The following AFF3 variants were observed in gnomAD, a reference collection of about 807,000 sequenced individuals.
The protein encoded by AFF3 is AF4/FMR2 family member 3.
A neutral mutation model predicts 129.7 loss-of-function variants in AFF3; 32 were observed. The ratio of observed to expected loss-of-function variants is 0.25; its 90% confidence interval spans 0.19 to 0.33. AFF3 has a LOEUF of 0.33. Among genes scored for constraint, AFF3 ranks in the 10% least tolerant of loss-of-function variants. The pLI, the probability that AFF3 is intolerant of heterozygous loss-of-function variation, is 1.00. For missense variants in AFF3, 1,373 were observed against 1,592.0 expected, an observed-to-expected ratio of 0.86 and a Z score of 2.34; for synonymous variants, 644 against 635.4, an observed-to-expected ratio of 1.01 and a Z score of -0.20.
rs369001247 is a variant in AFF3, at chr2:99,980,834, T to C, written c.873+25798A>G. Among the ~76,000 whole-genome samples, 84 of 152,302 alleles carry C rather than the reference T, an allele frequency of 5.5e-4. No homozygotes were observed. In the South Asian group the frequency reaches 0.016, roughly 29 times the overall value. ...AGTAATTCAGGTTCACTGTAACAAT[T>C]GGAAAAGAGCAAAAAGAAATGAATA... is the stretch of plus-strand genomic sequence containing the variant. On this transcript the variant is annotated intron_variant, in intron 7 of 24. Transcript: ENST00000672756.
intron 11 of AFF3, among the ~76,000 whole-genome samples, chr2:99,685,037 C>T (rs1320003220): frequency 2.0e-5 from 3 of 151,232 alleles, no homozygotes; most frequent in East Asian, 3.9e-4. Flanking sequence ...CTCCCATGTT[C>T]AAGTGACTCT....
chr2:100,138,161 C>T (rs1011869450), intron 1 of AFF3, among the ~76,000 whole-genome samples: 13 of 152,172 alleles, frequency 8.5e-5, no homozygotes, highest in African/African-American at 2.7e-4. Context: ...CTGTTACCAC[C>T]GCAGTCTTCC....
chr2:99,636,078 C>T (rs1683625587), intron 13 of AFF3, among the ~76,000 whole-genome samples: 1 of 152,322 alleles, frequency 6.6e-6, no homozygotes, highest in Non-Finnish European at 1.5e-5. Flanking sequence ...AGAACCTGGA[C>T]CTCCTTCACG....
intron 8 of AFF3, among the ~76,000 whole-genome samples, chr2:99,754,250 C>G (rs1302093437): frequency 2.0e-5 from 3 of 152,154 alleles, no homozygotes; most frequent in African/African-American, 7.2e-5. Context: ...ACTATTAAAC[C>G]AATTGTCCTT....
At chr2:99,632,480 TG>T (rs1683216006) in intron 13 of AFF3, among the ~76,000 whole-genome samples, 1 of 152,198 alleles carries the variant, frequency 6.6e-6, no homozygotes, top group Non-Finnish European at 1.5e-5. Context: ...GGGCGCAAGC[TG>T]GGGTGACGGC....
intron 7 of AFF3, among the ~76,000 whole-genome samples, chr2:99,844,434 CTTTTTTTTTTT>C (rs984233053): frequency 1.1e-5 from 1 of 92,464 alleles, no homozygotes. Flanking sequence ...TTTTTCTTTT[CTTTTTTTTTTT>C]TTTTTTTTTT....
At chr2:100,114,469 C>A (rs911471864) in intron 2 of AFF3, among the ~76,000 whole-genome samples, 3 of 152,192 alleles carry the variant, frequency 2.0e-5, no homozygotes. Flanking sequence ...GCAACCTCTG[C>A]CTCCCGAGTT....
At chr2:100,095,281 T>C (rs1690193278) in intron 4 of AFF3, among the ~76,000 whole-genome samples, 1 of 152,180 alleles carries the variant, frequency 6.6e-6, no homozygotes. Flanking sequence ...CTGACCTACC[T>C]TCAGGCTTGA....
intron 4 of AFF3, among the ~76,000 whole-genome samples, chr2:100,062,853 T>G (rs1356831058): frequency 6.6e-6 from 1 of 152,210 alleles, no homozygotes; most frequent in Non-Finnish European, 1.5e-5. Flanking sequence ...GGACTTCAGA[T>G]GCTTCAGTTA....
rs117696456 is a variant in AFF3 at position 99,837,191 on chromosome 2, T to C, written c.921+286A>G. On this transcript the variant is annotated intron_variant, in intron 8 of 24. Transcript: ENST00000672756. ...AAATAGCAGGGTGATAAATGGGGCATCCACATGTGAGCACCAGCATATTTT... is the reference window on the plus strand; with the variant it reads ...AAATAGCAGGGTGATAAATGGGGCACCCACATGTGAGCACCAGCATATTTT... Among the ~76,000 whole-genome samples the C allele has an allele frequency of 2.4e-3, 363 of 152,296 alleles. 10 individuals are homozygous for C. In the East Asian group the frequency reaches 0.053, roughly 22 times the overall value.
At position 99,546,154 on chromosome 2, in the gene AFF3, C is replaced by A. The variant is rs550187057; in HGVS notation, c.*5320G>T. 1 of 228,952 alleles carries A rather than the reference C, an allele frequency of 4.4e-6. No homozygotes were observed. Among genetic ancestry groups the A allele is most frequent in the African/African-American group, 2.2e-5 (1 of 45,116 alleles). The allele number at this position is 228,952 out of a possible 1,614,324, so 14.2% of individuals were successfully genotyped here. On this transcript the variant is annotated 3_prime_UTR_variant, in exon 25 of 25. Transcript: ENST00000672756. ...AGATTCCACTTGATCCGGGTTTCTT[C>A]GAAAATGTATTACTTTTTACAAATA...
chr2:99,604,700 A>G (rs931923896), intron 13 of AFF3, among the ~76,000 whole-genome samples: 3 of 152,206 alleles, frequency 2.0e-5, no homozygotes, highest in African/African-American at 7.2e-5. Context: ...ATAAAAAAGC[A>G]AAACAACACA....
chr2:99,558,380 G>A (rs1675145992), intron 22 of AFF3, among the ~76,000 whole-genome samples: 1 of 152,146 alleles, frequency 6.6e-6, no homozygotes. Context: ...TAGCACTCTG[G>A]GAGGTGGAGG....
chr2:99,926,037 C>A (rs1481064907), intron 7 of AFF3, among the ~76,000 whole-genome samples: 3 of 152,186 alleles, frequency 2.0e-5, no homozygotes, highest in Non-Finnish European at 4.4e-5. Flanking sequence ...ATGCAATCAT[C>A]ATTTAGCAAA....
chr2:99,723,169 T>G (rs1422765463), intron 11 of AFF3, among the ~76,000 whole-genome samples: 1 of 152,184 alleles, frequency 6.6e-6, no homozygotes, highest in Non-Finnish European at 1.5e-5. Flanking sequence ...TGTGCACGCA[T>G]GTTAAGATTA....
intron 11 of AFF3, among the ~76,000 whole-genome samples, chr2:99,698,757 A>G (rs1329296220): frequency 6.6e-6 from 1 of 152,200 alleles, no homozygotes; most frequent in Non-Finnish European, 1.5e-5. Context: ...TTATTATTGT[A>G]CCTTAGAGAA....
At chr2:100,085,333 G>A (rs538507540) in intron 4 of AFF3, among the ~76,000 whole-genome samples, 1,790 of 148,784 alleles carry the variant, frequency 0.012, 16 homozygotes, top group Middle Eastern at 0.024. Flanking sequence ...TCATCACCTC[G>A]GCCACACCAG....
At chr2:100,045,100 T>C (rs1011442339) in intron 4 of AFF3, among the ~76,000 whole-genome samples, 1 of 151,316 alleles carries the variant, frequency 6.6e-6, no homozygotes, top group African/African-American at 2.4e-5. Context: ...GGGCTGTGGC[T>C]GGTCAGGAAG....
At chr2:99,999,159 G>A (rs1462698782) in intron 7 of AFF3, among the ~76,000 whole-genome samples, 1 of 152,224 alleles carries the variant, frequency 6.6e-6, no homozygotes, top group Non-Finnish European at 1.5e-5. Flanking sequence ...AGCACTGCCT[G>A]TTAAGTGTTT....
Sources: allele counts gnomAD v4.1 joint callset (sites outside exome capture counted in the v4.1 genomes callset), GRCh38; gene constraint gnomAD v4.1.1; transcripts MANE v1.5; gene names NCBI Gene and HGNC (gene_info 2026-07-23, HGNC 2026-07-21).